LCT: variants seen among roughly 807,000 people sequenced by gnomAD.
The protein encoded by LCT is lactase.
LCT carries 90 observed loss-of-function variants against 173.0 expected under a neutral mutation model. That is an observed-to-expected ratio of 0.52 (90% CI 0.44 to 0.62). The LOEUF is 0.62. LCT is among the 20% of genes least tolerant of loss of function. The probability of loss-of-function intolerance (pLI) is 0.00; values close to 1 mark genes in which losing one functional copy is unlikely to be tolerated. For missense variants in LCT, 1,864 were observed against 2,431.4 expected, an observed-to-expected ratio of 0.77 and a Z score of 4.91; for synonymous variants, 853 against 957.6, an observed-to-expected ratio of 0.89 and a Z score of 2.02.
intron 6 of LCT, among the ~76,000 whole-genome samples, chr2:135,815,667 G>A (rs150879904): frequency 1.3e-5 from 2 of 150,996 alleles, no homozygotes; most frequent in Admixed American, 6.7e-5. Context: ...CACCTAGCAC[G>A]GGACACAGGA....
At chr2:135,833,239 TCTGA>T in intron 1 of LCT, 49 bp from the exon 2 acceptor site, 1 of 1,365,326 alleles carries the variant, frequency 7.3e-7, no homozygotes, top group Non-Finnish European at 1.0e-6. Flanking sequence ...GGCAGGAGGC[TCTGA>T]CTGTGGAAAC....
intron 1 of LCT, among the ~76,000 whole-genome samples, chr2:135,833,540 G>A (rs1242030697): frequency 7.0e-6 from 1 of 143,626 alleles, no homozygotes; most frequent in Non-Finnish European, 1.5e-5. Context: ...TCCGCCTCCC[G>A]CGTTCACGCC....
intron 8 of LCT, among the ~76,000 whole-genome samples, chr2:135,807,949 G>A (rs2105532213): frequency 6.6e-6 from 1 of 151,156 alleles, no homozygotes; most frequent in East Asian, 2.0e-4. Context: ...CCAACATGGT[G>A]AAACCCCATC....
rs74266303 is a variant in LCT at position 135,821,202 on chromosome 2, C to T, written c.986+818G>A. Among the ~76,000 whole-genome samples, 1,593 of 152,218 alleles carry T rather than the reference C, an allele frequency of 0.01. 100 individuals carry two copies. In the East Asian group the frequency reaches 0.18, roughly 18 times the overall value. Reference sequence around the variant, plus strand: ...GGCAATCTGCTCTAATTTTTTAAAGCATATCATTTGCAAACTTTGGCACTT... The same window carrying T: ...GGCAATCTGCTCTAATTTTTTAAAGTATATCATTTGCAAACTTTGGCACTT... On this transcript the variant is annotated intron_variant, in intron 5 of 16. Transcript: ENST00000264162.
chr2:135,790,128 C>T lies in LCT; in HGVS notation c.5336-330G>A, dbSNP rs967879831. On this transcript the variant is annotated intron_variant, in intron 15 of 16. Transcript: ENST00000264162. The surrounding 1 kb of genome is among the most constrained non-coding windows in gnomAD (Gnocchi z 4.1). ...AGTGCCTTAGAATGTTAATGCTTCT[C>T]CCTGTAGAAAATAGCCCTTAGATAG... 6.6e-6 allele frequency among the ~76,000 whole-genome samples: 1 copy of T among 152,212 alleles called. No individual in the cohort carries two copies. Among genetic ancestry groups the T allele is most frequent in the Admixed American group, 6.5e-5 (1 of 15,278 alleles).
At chr2:135,798,778 C>T (rs1039075425) in intron 12 of LCT, among the ~76,000 whole-genome samples, 5 of 152,182 alleles carry the variant, frequency 3.3e-5, no homozygotes, top group East Asian at 1.9e-4. Flanking sequence ...CCTCTCCTCA[C>T]CCACTGGCTG....
In LCT at chr2:135,809,060, G is replaced by A. The variant is rs1293012007; in HGVS notation, c.3287C>T (p.Ala1096Val). The change falls in exon 8 of 17, where the codon GCC (alanine) becomes GTC (valine). Residue 1096 changes from alanine (A) to valine (V), a missense_variant. This residue lies in a region of LCT where 755 missense variants were observed against 926.3 expected (regional missense o/e 0.82). Coordinates refer to ENST00000264162, the MANE Select transcript of LCT (RefSeq NM_002299.4). The surrounding 1 kb of genome is among the most constrained non-coding windows in gnomAD (Gnocchi z 5.5). ...PGWAPYRIAH[A>V]VIKAHARVYH... ...GACTCTGGCATGGGCTTTGATGACG[G>A]CGTGGGCTATCCTATATGGTGCCCA... The A allele has an allele frequency of 3.7e-6, 6 of 1,613,334 alleles. No homozygotes were observed. The highest frequency in any genetic ancestry group is 5.1e-6 in the Non-Finnish European group (6 of 1,179,826).
At position 135,807,394 on chromosome 2, in the gene LCT, A is replaced by G; in HGVS notation, c.3907T>C (p.Tyr1303His). 2 of 1,614,134 alleles carry G rather than the reference A, an allele frequency of 1.2e-6. No homozygotes were observed. The highest frequency in any genetic ancestry group is 1.7e-6 in the Non-Finnish European group (2 of 1,180,008). The change falls in exon 9 of 17, where the codon TAC becomes CAC. Residue 1303 changes from tyrosine to histidine, a missense_variant and splice_region_variant. By Grantham distance (83) the Tyr-to-His change is moderately conservative. This residue lies in a region of LCT where 755 missense variants were observed against 926.3 expected (regional missense o/e 0.82). Coordinates refer to ENST00000264162, the MANE Select transcript of LCT (RefSeq NM_002299.4). The stretch of plus-strand genomic sequence containing the variant: ...CGAAGGTCTATACCATCGAGCCTGT[A>G]GGCTGGGAACATCCCAAAGGGAGCA... ...KTYINEALKAYRLDGIDLRGY... is the reference protein window; with the variant it reads ...KTYINEALKAHRLDGIDLRGY...
At position 135,804,016 on chromosome 2, in the gene LCT, A is replaced by C; in HGVS notation, c.4577T>G (p.Leu1526Arg). Reference sequence around the variant, plus strand: ...GATCCAAAACTTCACCTTGTCTCCCAGCCTCTGGAAGAGCACATCTGCATA... The same window carrying C: ...GATCCAAAACTTCACCTTGTCTCCCCGCCTCTGGAAGAGCACATCTGCATA... ...KEYADVLFQRLGDKVKFWITL... is the reference protein window; with the variant it reads ...KEYADVLFQRRGDKVKFWITL... Residue 1526 changes from leucine to arginine, a missense_variant, in exon 11 of 17, where the codon CTG becomes CGG. By Grantham distance (102) the Leu-to-Arg change is moderately radical (BLOSUM62 -2). Around this residue, in one of 4 missense-constraint regions of LCT, gnomAD observed 514 missense variants for 750.1 expected, o/e 0.69. Transcript: ENST00000264162. 1 of 1,613,232 alleles carries C rather than the reference A, an allele frequency of 6.2e-7. No homozygotes were observed. The highest frequency in any genetic ancestry group is 8.5e-7 in the Non-Finnish European group (1 of 1,179,284).
intron 1 of LCT, 52 bp from the exon 2 acceptor site, chr2:135,833,242 G>T: frequency 7.6e-7 from 1 of 1,314,050 alleles, no homozygotes; most frequent in South Asian, 1.2e-5. Flanking sequence ...AGGAGGCTCT[G>T]ACTGTGGAAA....
rs1414364945 is a variant in LCT, at chr2:135,804,776, G to T, written c.4455C>A (p.Ile1485=). 1 of 1,612,648 alleles carries T rather than the reference G, an allele frequency of 6.2e-7. No homozygotes were observed. The highest frequency in any genetic ancestry group is 1.1e-5 in the South Asian group (1 of 90,996). Residue 1485 remains isoleucine (I), a synonymous_variant, in exon 10 of 17, where the codon ATC becomes ATA. Transcript: ENST00000264162. ...CCAGGACCCACCATACCTGGGGCTG[G>T]ATGCTGGCGGCCAGCAGTGTATCGA... ...RLIDTLLAAS[I]QPQVTIYHWD...
chr2:135,794,585 G>C, intron 14 of LCT, 56 bp downstream of exon 14: 1 of 1,591,618 alleles, frequency 6.3e-7, no homozygotes, highest in Non-Finnish European at 8.6e-7. Flanking sequence ...GCACAGCCAA[G>C]GGCACCTTTC....
Position 135,809,261 on chromosome 2 carries a change from T to A in LCT, c.3086A>T (p.Asp1029Val). Reference protein sequence around the residue: ...FHWDLPQALQDIGGWENPALI... With the variant: ...FHWDLPQALQVIGGWENPALI... ...GGCAGGATTCTCCCAGCCTCCGATA[T>A]CCTGGAGGGCCTGGGGCAGGTCCCA... Residue 1029 changes from aspartate to valine, a missense_variant, in exon 8 of 17, where the codon GAT becomes GTT. Asp to Val is a radical substitution (Grantham distance 152). Around this residue, in one of 4 missense-constraint regions of LCT, gnomAD observed 755 missense variants for 926.3 expected, o/e 0.82. Coordinates refer to ENST00000264162, the MANE Select transcript of LCT (RefSeq NM_002299.4). This position sits in a 1 kb window ranked among gnomAD's most constrained non-coding sequence, Gnocchi z 5.5. 6.2e-7 allele frequency: 1 copy of A among 1,614,224 alleles called. No individual in the cohort carries two copies. The highest frequency in any genetic ancestry group is 1.1e-5 in the South Asian group (1 of 91,080).
chr2:135,800,720 C>T lies in LCT; in HGVS notation c.4753G>A (p.Val1585Met), dbSNP rs1239633983. 1.2e-6 allele frequency: 2 copies of T among 1,614,094 alleles called. No homozygotes were observed. The highest frequency in any genetic ancestry group is 2.2e-5 in the South Asian group (2 of 91,084). The change falls in exon 12 of 17, where the codon GTG becomes ATG. Residue 1585 changes from valine to methionine, a missense_variant. This residue lies in a region of LCT where 514 missense variants were observed against 750.1 expected (regional missense o/e 0.69). Transcript: ENST00000264162. Reference sequence around the variant, plus strand: ...ACGCCACCTTGACTGGCGCGGTACACATCGTTGTACAGATGCCAGGCCTCA... The same window carrying T: ...ACGCCACCTTGACTGGCGCGGTACATATCGTTGTACAGATGCCAGGCCTCA... ...HAEAWHLYND[V>M]YRASQGGVIS...
Position 135,836,680 on chromosome 2 carries a change from C to A in LCT, c.490G>T (p.Asp164Tyr), listed in dbSNP as rs902517772. The A allele has an allele frequency of 1.2e-6, 2 of 1,614,012 alleles. No individual in the cohort carries two copies. Among genetic ancestry groups the A allele is most frequent in the Non-Finnish European group, 1.7e-6 (2 of 1,180,024 alleles). Residue 164 changes from aspartate (D) to tyrosine (Y), a missense_variant, in exon 1 of 17, where the codon GAC (aspartate) becomes TAC (tyrosine). By Grantham distance (160) the Asp-to-Tyr change is radical. This residue lies in a region of LCT where 412 missense variants were observed against 462.0 expected (regional missense o/e 0.89). Transcript: ENST00000264162. ...YATFAFHSFG[D>Y]LVGIWFTFSD... ...AAGGTGAACCAGATCCCAACTAGGT[C>A]CCCGAAGGAGTGGAAGGCGAATGTG...
chr2:135,829,105 C>T (rs200328926), intron 3 of LCT, among the ~76,000 whole-genome samples: 2 of 151,954 alleles, frequency 1.3e-5, no homozygotes, highest in Admixed American at 6.6e-5. Flanking sequence ...GCAGGAGAAT[C>T]GCTTGAACCC....
Position 135,790,945 on chromosome 2 carries a change from AAC to A in LCT, c.5112-66_5112-65del, listed in dbSNP as rs1198742834. The A allele has an allele frequency of 8.3e-6, 10 of 1,199,194 alleles. No individual in the cohort carries two copies. The highest frequency in any genetic ancestry group is 4.2e-4 in the Middle Eastern group (2 of 4,810). 74.3% of individuals were successfully genotyped at this position (1,199,194 alleles called of 1,614,324 possible). On this transcript the variant is annotated intron_variant, in intron 14 of 16. Transcript: ENST00000264162. This position sits in a 1 kb window ranked among gnomAD's most constrained non-coding sequence, Gnocchi z 4.1. ...AAATCTCAAGAGGCCCTTTACACGA[AAC>A]ACAAAACAGGACTTAGACCAGGAAA...
chr2:135,788,280 TG>T lies in LCT; in HGVS notation c.*43del, dbSNP rs1175938017. On this transcript the variant is annotated 3_prime_UTR_variant, in exon 17 of 17. Transcript: ENST00000264162. ...GTGTTTGGTGGCCGGTAAACATAGATGAAGAAACTAGGCCTGCTTCATAGAA... is the reference window on the plus strand; with the variant it reads ...GTGTTTGGTGGCCGGTAAACATAGATAAGAAACTAGGCCTGCTTCATAGAA... 7.0e-7 allele frequency: 1 copy of T among 1,422,702 alleles called. No individual in the cohort carries two copies. Among genetic ancestry groups the T allele is most frequent in the Non-Finnish European group, 9.9e-7 (1 of 1,012,088 alleles). The allele number at this position is 1,422,702 out of a possible 1,614,324, so 88.1% of individuals were successfully genotyped here.
At chr2:135,826,756 C>T (rs2077892630) in intron 3 of LCT, among the ~76,000 whole-genome samples, 1 of 152,076 alleles carries the variant, frequency 6.6e-6, no homozygotes, top group African/African-American at 2.4e-5. Context: ...ATGAGGAGGA[C>T]AAAAGGCAGC....
Sources: allele counts gnomAD v4.1 joint callset (sites outside exome capture counted in the v4.1 genomes callset), GRCh38; gene constraint gnomAD v4.1.1; regional missense constraint gnomAD v4.1.1; non-coding constraint Gnocchi (gnomAD v3.1); transcripts MANE v1.5; gene names NCBI Gene and HGNC (gene_info 2026-07-23, HGNC 2026-07-21).